RBFOX1: variants seen among roughly 807,000 people sequenced by gnomAD.
RBFOX1 encodes the protein RNA binding fox-1 homolog 1.
A neutral mutation model predicts 57.7 loss-of-function variants in RBFOX1; 8 were observed. The ratio of observed to expected loss-of-function variants is 0.14; its 90% CI spans 0.08 to 0.25. The LOEUF is 0.25. Among genes scored for constraint, RBFOX1 ranks in the 10% least tolerant of loss-of-function variants. The pLI, the probability that RBFOX1 is intolerant of heterozygous loss-of-function variation, is 1.00. For missense variants in RBFOX1, 611 were observed against 548.5 expected, an observed-to-expected ratio of 1.11 and a Z score of -1.14; for synonymous variants, 326 against 222.4, an observed-to-expected ratio of 1.47 and a Z score of -4.15.
intron 1 of RBFOX1, among the ~76,000 whole-genome samples, chr16:5,276,987 T>C (rs547673805): frequency 6.6e-6 from 1 of 152,140 alleles, no homozygotes; most frequent in Non-Finnish European, 1.5e-5. Flanking sequence ...AAAGACACTT[T>C]TGCACACATG....
At chr16:7,291,769 A>T (rs1334390721) in intron 4 of RBFOX1, among the ~76,000 whole-genome samples, 1 of 151,650 alleles carries the variant, frequency 6.6e-6, no homozygotes, top group East Asian at 1.9e-4. Context: ...GGGATGCGAT[A>T]AGGATTTGTC....
At chr16:6,117,385 A>G (rs1294776625) in intron 1 of RBFOX1, among the ~76,000 whole-genome samples, 2 of 152,238 alleles carry the variant, frequency 1.3e-5, no homozygotes, top group Admixed American at 1.3e-4. Context: ...ACTAATAACA[A>G]TTATGTTCAC....
chr16:7,497,543 C>T (rs571375712), intron 4 of RBFOX1, among the ~76,000 whole-genome samples: 6 of 152,258 alleles, frequency 3.9e-5, no homozygotes, highest in African/African-American at 1.4e-4. Flanking sequence ...TGCATGAGAG[C>T]AGGACTATTT....
chr16:6,692,640 T>C (rs1398233296), intron 3 of RBFOX1, among the ~76,000 whole-genome samples: 1 of 152,156 alleles, frequency 6.6e-6, no homozygotes, highest in Non-Finnish European at 1.5e-5. Flanking sequence ...AACACATTTT[T>C]TTTTTTTTAC....
At chr16:7,071,587 ATG>A (rs60039723) in intron 4 of RBFOX1, among the ~76,000 whole-genome samples, 9,321 of 147,914 alleles carry the variant, frequency 0.063, 875 homozygotes, top group African/African-American at 0.2. Context: ...TTGCCCAGAT[ATG>A]TGTGTGTGTG....
intron 4 of RBFOX1, among the ~76,000 whole-genome samples, chr16:7,434,676 T>C (rs2098708222): frequency 6.6e-6 from 1 of 152,034 alleles, no homozygotes; most frequent in South Asian, 2.1e-4. Context: ...TACAGAAAAG[T>C]TGTAAAGACA....
intron 3 of RBFOX1, among the ~76,000 whole-genome samples, chr16:5,780,259 C>A (rs1332885862): frequency 6.6e-6 from 1 of 152,222 alleles, no homozygotes; most frequent in Non-Finnish European, 1.5e-5. Flanking sequence ...ATCTCTGCCT[C>A]CCAAAGTGTT....
chr16:5,241,109 C>T (rs980595314), intron 1 of RBFOX1, among the ~76,000 whole-genome samples: 1 of 152,218 alleles, frequency 6.6e-6, no homozygotes, highest in African/African-American at 2.4e-5. Flanking sequence ...TCATTCTGAA[C>T]CCATTTGGGC....
chr16:6,567,640 C>T (rs2097286013), intron 2 of RBFOX1, among the ~76,000 whole-genome samples: 2 of 152,270 alleles, frequency 1.3e-5, no homozygotes, highest in South Asian at 2.1e-4. Flanking sequence ...TTCAGCGCCA[C>T]ATCCCAGCAC....
At chr16:7,671,945 G>A (rs1438931665) in intron 13 of RBFOX1, among the ~76,000 whole-genome samples, 2 of 152,144 alleles carry the variant, frequency 1.3e-5, no homozygotes, top group African/African-American at 4.8e-5. Context: ...AAAGCTATCT[G>A]GACTCAATCA....
chr16:6,436,369 G>A (rs942107070), intron 2 of RBFOX1, among the ~76,000 whole-genome samples: 3 of 152,076 alleles, frequency 2.0e-5, no homozygotes, highest in Non-Finnish European at 4.4e-5. Context: ...ATAAATACCT[G>A]GAAGATTCAG....
At chr16:6,058,300 CCCT>C (rs2095639490) in intron 1 of RBFOX1, among the ~76,000 whole-genome samples, 1 of 151,634 alleles carries the variant, frequency 6.6e-6, no homozygotes, top group Non-Finnish European at 1.5e-5. Context: ...CTGCCTTCCT[CCCT>C]CCTCTTCTTC....
intron 2 of RBFOX1, among the ~76,000 whole-genome samples, chr16:6,506,067 C>G (rs1449598349): frequency 6.6e-6 from 1 of 152,148 alleles, no homozygotes; most frequent in Non-Finnish European, 1.5e-5. Flanking sequence ...AAGCAGTTAG[C>G]AAAGGTGCAC....
chr16:7,038,125 G>T (rs767782002), intron 3 of RBFOX1, among the ~76,000 whole-genome samples: 1 of 152,230 alleles, frequency 6.6e-6, no homozygotes, highest in Admixed American at 6.5e-5. Context: ...GTAGAGAGGG[G>T]GATGATGGGA....
chr16:7,411,889 G>A (rs953620735), intron 4 of RBFOX1, among the ~76,000 whole-genome samples: 9 of 109,752 alleles, frequency 8.2e-5, no homozygotes, highest in Non-Finnish European at 1.4e-4. Context: ...GACAACAAGA[G>A]CAAAACTCCT....
intron 3 of RBFOX1, among the ~76,000 whole-genome samples, chr16:6,678,985 C>G (rs1456250542): frequency 2.6e-5 from 4 of 152,140 alleles, no homozygotes; most frequent in Non-Finnish European, 5.9e-5. Context: ...ATTTCTTTCT[C>G]AAATCCATTT....
rs869041704 is a variant in RBFOX1 at position 6,431,896 on chromosome 16, GCTTTCTTTCTTTCTTTCTTT to G, written c.-64+114888_-64+114907del. On this transcript the variant is annotated intron_variant, in intron 2 of 15. Coordinates refer to ENST00000550418, the MANE Select transcript of RBFOX1 (RefSeq NM_018723.4). ...TGTCCAGAAATATGCTTGCTTGCTT[GCTTTCTTTCTTTCTTTCTTT>G]CTTTCTTTCTTTCTTTCTTTCTTTC... 9.7e-3 allele frequency among the ~76,000 whole-genome samples: 1,240 copies of G among 128,186 alleles called. 9 individuals are homozygous for G. The highest frequency in any genetic ancestry group is 0.011 in the African/African-American group (348 of 32,180). 84.1% of individuals were successfully genotyped at this position (128,186 alleles called of 152,430 possible). A position where few individuals can be genotyped will look rare whatever the true frequency, so the allele number is the denominator to read the frequency against.
chr16:6,270,425 A>G, intron 1 of RBFOX1, among the ~76,000 whole-genome samples: 1 of 150,558 alleles, frequency 6.6e-6, no homozygotes, highest in South Asian at 2.1e-4. Context: ...AGAAAGTAGG[A>G]GTAGCTATAT....
chr16:7,150,462 A>G (rs772656517), intron 4 of RBFOX1, among the ~76,000 whole-genome samples: 1 of 152,164 alleles, frequency 6.6e-6, no homozygotes, highest in Non-Finnish European at 1.5e-5. Context: ...GTCAGCCACA[A>G]CTTCCACCAT....
Sources: allele counts gnomAD v4.1 joint callset (sites outside exome capture counted in the v4.1 genomes callset), GRCh38; gene constraint gnomAD v4.1.1; transcripts MANE v1.5; gene names NCBI Gene and HGNC (gene_info 2026-07-23, HGNC 2026-07-21).